Variants in AP3B1 observed in about 807,000 individuals in gnomAD.
AP3B1 encodes AP-3 complex subunit beta-1.
A neutral mutation model predicts 132.5 loss-of-function variants in AP3B1; 61 were observed. The observed-to-expected ratio is 0.46, with a 90% CI of 0.37 to 0.57. The LOEUF is 0.57. Among genes scored for constraint, AP3B1 ranks in the 20% least tolerant of loss-of-function variants. The pLI, the probability that AP3B1 is intolerant of heterozygous loss-of-function variation, is 0.00. For missense variants in AP3B1, 1,120 were observed against 1,289.4 expected, an observed-to-expected ratio of 0.87 and a Z score of 2.01; for synonymous variants, 388 against 438.3, an observed-to-expected ratio of 0.89 and a Z score of 1.43.
chr5:78,089,821 T>A (rs977817099), intron 21 of AP3B1, among the ~76,000 whole-genome samples: 26 of 152,104 alleles, frequency 1.7e-4, no homozygotes, highest in Non-Finnish European at 2.2e-4. Flanking sequence ...AAAGAAACAT[T>A]TTTTTTCCAG....
chr5:78,082,552 G>A lies in AP3B1; in HGVS notation c.2577+6841C>T, dbSNP rs140918994. Among the ~76,000 whole-genome samples the A allele has an allele frequency of 3.5e-4, 54 of 152,228 alleles. No individual in the cohort carries two copies. In the South Asian group the frequency reaches 3.7e-3, roughly 11 times the overall value. On this transcript the variant is annotated intron_variant, in intron 22 of 26. Transcript: ENST00000255194. Reference sequence around the variant, plus strand: ...ATCTCCATTTTGTAAATTAAAAAACGGAAGTTTACGCAAGTCAAAGAACTG... The same window carrying A: ...ATCTCCATTTTGTAAATTAAAAAACAGAAGTTTACGCAAGTCAAAGAACTG...
intron 17 of AP3B1, among the ~76,000 whole-genome samples, chr5:78,123,084 C>G (rs1427586097): frequency 6.6e-6 from 1 of 152,174 alleles, no homozygotes; most frequent in African/African-American, 2.4e-5. Context: ...CTGAGAAAAA[C>G]AAGCAACGGG....
At chr5:78,287,649 C>T (rs973030343) in intron 1 of AP3B1, among the ~76,000 whole-genome samples, 1 of 151,316 alleles carries the variant, frequency 6.6e-6, no homozygotes, top group Admixed American at 6.6e-5. Flanking sequence ...TGCTAGTATA[C>T]AGTTTCTTCT....
intron 9 of AP3B1, among the ~76,000 whole-genome samples, chr5:78,176,467 T>G (rs1175783419): frequency 6.6e-6 from 1 of 152,184 alleles, no homozygotes; most frequent in African/African-American, 2.4e-5. Context: ...GAGCTACAAT[T>G]GTGGACTAAG....
At chr5:78,140,682 T>C (rs555675153) in intron 15 of AP3B1, among the ~76,000 whole-genome samples, 2 of 152,314 alleles carry the variant, frequency 1.3e-5, no homozygotes, top group Admixed American at 1.3e-4. Context: ...ACATGAACTT[T>C]GGGGGATATA....
rs533328632 is a variant in AP3B1 at position 78,184,674 on chromosome 5, G to A, written c.787-3012C>T. On this transcript the variant is annotated intron_variant, in intron 7 of 26. Transcript: ENST00000255194. Reference sequence around the variant, plus strand: ...TGCACTCCAGCCTGGGTGACACAGCGAGACACTGTCTCAAAAAAAAAAAAA... The same window carrying A: ...TGCACTCCAGCCTGGGTGACACAGCAAGACACTGTCTCAAAAAAAAAAAAA... 2.5e-4 allele frequency among the ~76,000 whole-genome samples: 35 copies of A among 137,560 alleles called. 1 individual carries two copies. In the East Asian group the frequency reaches 6.3e-3, roughly 25 times the overall value. 90.2% of individuals were successfully genotyped at this position (137,560 alleles called of 152,430 possible).
intron 7 of AP3B1, among the ~76,000 whole-genome samples, chr5:78,200,721 T>C (rs868604559): frequency 2.0e-5 from 3 of 152,138 alleles, no homozygotes; most frequent in African/African-American, 7.2e-5. Flanking sequence ...CATTTTAAAA[T>C]ATCAGAAAAC....
At chr5:78,181,703 T>C (rs1253338631) in intron 7 of AP3B1, 41 bp from the exon 8 acceptor site, 9 of 1,572,380 alleles carry the variant, frequency 5.7e-6, no homozygotes, top group Non-Finnish European at 7.8e-6. Flanking sequence ...CTTTAGACCT[T>C]GAGCAATCTG....
At chr5:78,135,791 ATTTG>A (rs1752886899) in intron 15 of AP3B1, among the ~76,000 whole-genome samples, 1 of 152,156 alleles carries the variant, frequency 6.6e-6, no homozygotes, top group Admixed American at 6.5e-5. Flanking sequence ...ATTGTTATTA[ATTTG>A]TTTAATTAAA....
At chr5:78,215,049 T>A (rs1745900315) in intron 7 of AP3B1, among the ~76,000 whole-genome samples, 2 of 152,146 alleles carry the variant, frequency 1.3e-5, no homozygotes, top group African/African-American at 2.4e-5. Flanking sequence ...CATTTTATAA[T>A]AATTTGCAAG....
chr5:78,165,610 CT>C lies in AP3B1; in HGVS notation c.1229del (p.Gln410ArgfsTer4). The C allele has an allele frequency of 6.2e-7, 1 of 1,605,356 alleles. No homozygotes were observed. The highest frequency in any genetic ancestry group is 8.5e-7 in the Non-Finnish European group (1 of 1,173,326). ...TTTATAATTAGCACTGTACACAAAC[CT>C]GAAATTCTCGAAGAAGAGTTGATAT... Reference protein sequence around the residue: ...ANISTLLREFQTYVKSQDKQF... With the variant: ...ANISTLLREFXTYVKSQDKQF... On this transcript the variant is annotated frameshift_variant and splice_region_variant, in exon 12 of 27. Coordinates refer to ENST00000255194, the MANE Select transcript of AP3B1 (RefSeq NM_003664.5). LOFTEE classifies it high-confidence loss of function.
intron 22 of AP3B1, among the ~76,000 whole-genome samples, chr5:78,051,563 T>C (rs1001409169): frequency 6.6e-6 from 1 of 152,190 alleles, no homozygotes; most frequent in Non-Finnish European, 1.5e-5. Context: ...TAAGCCTTGT[T>C]CAGCATCCAC....
At chr5:78,157,897 C>T (rs751237765) in intron 13 of AP3B1, among the ~76,000 whole-genome samples, 116 of 151,994 alleles carry the variant, frequency 7.6e-4, no homozygotes, top group Middle Eastern at 3.4e-3. Context: ...TTTACAGGCG[C>T]GCGCCACCAC....
intron 20 of AP3B1, among the ~76,000 whole-genome samples, chr5:78,106,758 T>A (rs951676020): frequency 6.6e-6 from 1 of 152,190 alleles, no homozygotes; most frequent in Non-Finnish European, 1.5e-5. Flanking sequence ...AGTTGGTAAC[T>A]ATCTAAACAT....
chr5:78,240,067 G>A (rs997137641), intron 3 of AP3B1, among the ~76,000 whole-genome samples: 3 of 152,128 alleles, frequency 2.0e-5, no homozygotes, highest in East Asian at 1.9e-4. Flanking sequence ...TCCTCCTTAC[G>A]CTCTCACACT....
intron 1 of AP3B1, among the ~76,000 whole-genome samples, chr5:78,274,516 A>T (rs538785513): frequency 6.6e-6 from 1 of 152,190 alleles, no homozygotes; most frequent in Admixed American, 6.5e-5. Context: ...ACCTATGAAA[A>T]ACATAAACCC....
chr5:78,219,610 A>G (rs1746098005), intron 6 of AP3B1, among the ~76,000 whole-genome samples: 1 of 152,108 alleles, frequency 6.6e-6, no homozygotes, highest in Admixed American at 6.5e-5. Context: ...TTTTACCTAA[A>G]TAACACTAAA....
intron 19 of AP3B1, among the ~76,000 whole-genome samples, chr5:78,110,722 G>A (rs1010916782): frequency 1.5e-4 from 22 of 149,522 alleles, no homozygotes; most frequent in African/African-American, 4.4e-4. Flanking sequence ...GTGTATGTAT[G>A]TATACATACA....
In AP3B1 at chr5:78,247,551, A is replaced by G. The variant is rs535297550; in HGVS notation, c.205-6615T>C. Among the ~76,000 whole-genome samples, 3 of 151,700 alleles carry G rather than the reference A, an allele frequency of 2.0e-5. No homozygotes were observed. The South Asian group carries it at 6.2e-4, about 31-fold the overall frequency. On this transcript the variant is annotated intron_variant, in intron 2 of 26. Coordinates refer to ENST00000255194, the MANE Select transcript of AP3B1 (RefSeq NM_003664.5). ...TTTTTGAAGCTCTGTTGTTAGACAC[A>G]TGTAAGATTATTATGTCTTTTTGGG...
Sources: allele counts gnomAD v4.1 joint callset (sites outside exome capture counted in the v4.1 genomes callset), GRCh38; gene constraint gnomAD v4.1.1; transcripts MANE v1.5; gene names NCBI Gene and HGNC (gene_info 2026-07-23, HGNC 2026-07-21).